KCNJ6: variants seen among roughly 807,000 people sequenced by gnomAD.
KCNJ6 encodes the protein potassium inwardly rectifying channel subfamily J member 6.
A neutral mutation model predicts 34.2 loss-of-function variants in KCNJ6; 9 were observed. The ratio of observed to expected loss-of-function variants is 0.26; its 90% confidence interval spans 0.16 to 0.46. The LOEUF is 0.46. KCNJ6 is among the 20% of genes least tolerant of loss of function. The pLI, the probability that KCNJ6 is intolerant of heterozygous loss-of-function variation, is 1.00. For missense variants in KCNJ6, 236 were observed against 531.3 expected (o/e 0.44, Z 5.46); for synonymous variants, 196 against 207.1 (o/e 0.95, Z 0.46).
chr21:37,749,910 C>T (rs897200236), intron 2 of KCNJ6, among the ~76,000 whole-genome samples: 3 of 152,150 alleles, frequency 2.0e-5, no homozygotes, highest in South Asian at 2.1e-4. Context: ...CTTGCACCGT[C>T]GCCAAGAAAG....
intron 1 of KCNJ6, among the ~76,000 whole-genome samples, chr21:37,856,216 C>T (rs1252307144): frequency 6.6e-6 from 1 of 152,154 alleles, no homozygotes; most frequent in African/African-American, 2.4e-5. Context: ...CTCTGAATAC[C>T]ACAGAGCCAA....
intron 1 of KCNJ6, among the ~76,000 whole-genome samples, chr21:37,880,785 C>T (rs1010718785): frequency 6.6e-6 from 1 of 152,230 alleles, no homozygotes; most frequent in African/African-American, 2.4e-5. Context: ...CCCAAGCTGG[C>T]TTGACATCAG....
chr21:37,719,871 T>TC (rs2054815367), intron 2 of KCNJ6, among the ~76,000 whole-genome samples: 1 of 152,208 alleles, frequency 6.6e-6, no homozygotes, highest in Non-Finnish European at 1.5e-5. Flanking sequence ...CAGGGAAGCC[T>TC]CCCCTGGTGG....
intron 2 of KCNJ6, among the ~76,000 whole-genome samples, chr21:37,822,434 C>T (rs2055377627): frequency 6.6e-6 from 1 of 152,122 alleles, no homozygotes; most frequent in African/African-American, 2.4e-5. Flanking sequence ...CCCAGGACAG[C>T]TCTGGGGCTC....
At chr21:37,702,184 G>A (rs930508901) in intron 3 of KCNJ6, among the ~76,000 whole-genome samples, 1 of 132,504 alleles carries the variant, frequency 7.5e-6, no homozygotes, top group African/African-American at 2.9e-5. Context: ...AGTCAGCTGA[G>A]ATCGTACCAC....
At chr21:37,785,185 C>A in intron 2 of KCNJ6, among the ~76,000 whole-genome samples, 1 of 152,088 alleles carries the variant, frequency 6.6e-6, no homozygotes, top group East Asian at 1.9e-4. Flanking sequence ...AGGCTGAGAT[C>A]CAGCATGGGC....
chr21:37,700,822 C>T (rs1454309531), intron 3 of KCNJ6, among the ~76,000 whole-genome samples: 1 of 152,122 alleles, frequency 6.6e-6, no homozygotes, highest in East Asian at 1.9e-4. Context: ...GACTTCCCAG[C>T]AGATGGCAGT....
At chr21:37,820,803 G>C (rs1414474883) in intron 2 of KCNJ6, among the ~76,000 whole-genome samples, 1 of 152,148 alleles carries the variant, frequency 6.6e-6, no homozygotes, top group African/African-American at 2.4e-5. Flanking sequence ...TAAGAACTTA[G>C]GAGATACACT....
chr21:37,907,150 GT>G (rs1342493425), intron 1 of KCNJ6, among the ~76,000 whole-genome samples: 5 of 152,188 alleles, frequency 3.3e-5, no homozygotes, highest in African/African-American at 1.2e-4. Context: ...TTCATTCCTT[GT>G]CTTTTGACTG....
intron 1 of KCNJ6, among the ~76,000 whole-genome samples, chr21:37,862,734 C>T (rs1320446723): frequency 6.6e-6 from 1 of 152,188 alleles, no homozygotes; most frequent in East Asian, 1.9e-4. Context: ...CACATTCTGG[C>T]AGTTTTGTAA....
chr21:37,766,298 C>T (rs1365120478), intron 2 of KCNJ6, among the ~76,000 whole-genome samples: 1 of 152,130 alleles, frequency 6.6e-6, no homozygotes, highest in Non-Finnish European at 1.5e-5. Context: ...CCTAAATATC[C>T]ACTCCAGAGT....
At chr21:37,815,661 G>C (rs1461327330) in intron 2 of KCNJ6, among the ~76,000 whole-genome samples, 1 of 152,218 alleles carries the variant, frequency 6.6e-6, no homozygotes, top group African/African-American at 2.4e-5. Context: ...AGACAAGGTG[G>C]TCTATGGAAC....
At chr21:37,762,045 A>T (rs1174612465) in intron 2 of KCNJ6, among the ~76,000 whole-genome samples, 1 of 152,138 alleles carries the variant, frequency 6.6e-6, no homozygotes, top group East Asian at 1.9e-4. Flanking sequence ...CTCCAGAAGG[A>T]CAGGGGTGTC....
chr21:37,795,685 G>C (rs2055237861), intron 2 of KCNJ6, among the ~76,000 whole-genome samples: 1 of 146,714 alleles, frequency 6.8e-6, no homozygotes, highest in African/African-American at 2.5e-5. Context: ...AGTGAGCTGA[G>C]ATCATGCCAT....
At chr21:37,847,666 T>G in intron 1 of KCNJ6, among the ~76,000 whole-genome samples, 1 of 151,316 alleles carries the variant, frequency 6.6e-6, no homozygotes, top group East Asian at 2.0e-4. Context: ...CAATATGTGG[T>G]ATCAAGGGTA....
At chr21:37,754,478 G>A (rs1052308715) in intron 2 of KCNJ6, among the ~76,000 whole-genome samples, 2 of 152,152 alleles carry the variant, frequency 1.3e-5, no homozygotes, top group Non-Finnish European at 2.9e-5. Flanking sequence ...ACACTTAGTA[G>A]ACACCCCACA....
In KCNJ6 at chr21:37,668,714, C is replaced by T. The variant is rs567613864; in HGVS notation, c.947-43230G>A. On this transcript the variant is annotated intron_variant, in intron 3 of 3. Coordinates refer to ENST00000609713, the MANE Select transcript of KCNJ6 (RefSeq NM_002240.5). ...GAAGCTGGCCTGCACGGCCTCTGAG[C>T]TTCTCCACTTTCTTACTCATCTGAA... 6.3e-4 allele frequency among the ~76,000 whole-genome samples: 96 copies of T among 152,292 alleles called. 1 individual carries two copies. Among genetic ancestry groups the T allele is most frequent in the African/African-American group, 2.0e-3 (85 of 41,554 alleles).
At chr21:37,836,489 C>G (rs931335873) in intron 2 of KCNJ6, among the ~76,000 whole-genome samples, 1 of 152,156 alleles carries the variant, frequency 6.6e-6, no homozygotes, top group Admixed American at 6.5e-5. Context: ...GGAACCAACC[C>G]AAATGCCCAT....
At chr21:37,780,203 G>A (rs2055162639) in intron 2 of KCNJ6, among the ~76,000 whole-genome samples, 1 of 152,204 alleles carries the variant, frequency 6.6e-6, no homozygotes, top group South Asian at 2.1e-4. Flanking sequence ...AAAGAAGCTA[G>A]CCAGTCTGGA....
Sources: allele counts gnomAD v4.1 joint callset (sites outside exome capture counted in the v4.1 genomes callset), GRCh38; gene constraint gnomAD v4.1.1; transcripts MANE v1.5; gene names NCBI Gene and HGNC (gene_info 2026-07-23, HGNC 2026-07-21).